Variants in DSCAM observed in about 807,000 individuals in gnomAD.
The protein encoded by DSCAM is DS cell adhesion molecule.
In DSCAM, 47 loss-of-function variants were observed where a neutral mutation model predicts 217.7. That is an observed-to-expected ratio of 0.22 (90% confidence interval 0.17 to 0.28). The LOEUF (loss-of-function observed/expected upper bound fraction) is 0.28. Among genes scored for constraint, DSCAM ranks in the 10% least tolerant of loss-of-function variants. DSCAM has a pLI of 1.00. For synonymous variants in DSCAM, 1,056 were observed against 1,015.3 expected (o/e 1.04, Z -0.76); for missense variants, 2,080 against 2,618.3 (o/e 0.79, Z 4.49).
intron 32 of DSCAM, among the ~76,000 whole-genome samples, chr21:40,021,077 T>G (rs889310198): frequency 3.5e-5 from 5 of 142,468 alleles, no homozygotes; most frequent in Non-Finnish European, 4.6e-5. Flanking sequence ...TGAGGGAGGA[T>G]GGATGAGAGA....
intron 3 of DSCAM, among the ~76,000 whole-genome samples, chr21:40,673,335 G>T (rs2090298872): frequency 6.6e-6 from 1 of 152,116 alleles, no homozygotes; most frequent in Non-Finnish European, 1.5e-5. Flanking sequence ...ATGAAACCCA[G>T]TGTATCTACA....
At chr21:40,123,857 AAC>A (rs1288661757) in intron 20 of DSCAM, among the ~76,000 whole-genome samples, 30 of 152,198 alleles carry the variant, frequency 2.0e-4, no homozygotes, top group Admixed American at 1.1e-3. Flanking sequence ...TGATGAGTCC[AAC>A]AGTAAAATCA....
intron 20 of DSCAM, among the ~76,000 whole-genome samples, chr21:40,121,491 C>T (rs1313197395): frequency 6.6e-6 from 1 of 151,980 alleles, no homozygotes; most frequent in African/African-American, 2.4e-5. Flanking sequence ...AATTAAGATG[C>T]TCTGGGGTTC....
chr21:40,116,493 C>T (rs748291207), intron 20 of DSCAM, among the ~76,000 whole-genome samples: 19 of 152,122 alleles, frequency 1.2e-4, no homozygotes, highest in East Asian at 5.8e-4. Flanking sequence ...TTTTTCCAGC[C>T]GTATGATTCC....
intron 1 of DSCAM, among the ~76,000 whole-genome samples, chr21:40,831,879 G>A (rs188076282): frequency 2.0e-5 from 3 of 152,232 alleles, no homozygotes; most frequent in Non-Finnish European, 2.9e-5. Context: ...TTTAAAAACC[G>A]ATCTTTCACT....
chr21:40,397,829 T>C (rs1470465178), intron 3 of DSCAM, among the ~76,000 whole-genome samples: 1 of 151,942 alleles, frequency 6.6e-6, no homozygotes, highest in East Asian at 1.9e-4. Context: ...CCTACTATCA[T>C]CACTACTACC....
rs1378648726 is a variant in DSCAM at position 40,376,643 on chromosome 21, G to T, written c.509-7398C>A. Among the ~76,000 whole-genome samples the T allele has an allele frequency of 2.2e-5, 3 of 135,166 alleles. 1 individual carries two copies. The highest frequency in any genetic ancestry group is 7.4e-5 in the Admixed American group (1 of 13,572). 88.7% of individuals were successfully genotyped at this position (135,166 alleles called of 152,430 possible). On this transcript the variant is annotated intron_variant, in intron 3 of 32. Coordinates refer to ENST00000400454, the MANE Select transcript of DSCAM (RefSeq NM_001389.5). ...TATCGATATCTATATATCTTATATA[G>T]ATATCGATATCTATATATCTTATAT...
intron 3 of DSCAM, among the ~76,000 whole-genome samples, chr21:40,664,176 C>T (rs931817290): frequency 1.3e-5 from 2 of 152,134 alleles, no homozygotes; most frequent in South Asian, 2.1e-4. Context: ...ATTATTCTAA[C>T]GGCTGAGAAA....
At chr21:40,443,088 C>T (rs1389230398) in intron 3 of DSCAM, among the ~76,000 whole-genome samples, 1 of 152,158 alleles carries the variant, frequency 6.6e-6, no homozygotes, top group Non-Finnish European at 1.5e-5. Flanking sequence ...GCTCTCACAC[C>T]TGTGGATCAT....
chr21:40,175,087 T>C (rs1197157842), intron 15 of DSCAM, among the ~76,000 whole-genome samples: 1 of 152,210 alleles, frequency 6.6e-6, no homozygotes, highest in East Asian at 1.9e-4. Context: ...ACTGCATGAC[T>C]TATACACCAC....
intron 3 of DSCAM, among the ~76,000 whole-genome samples, chr21:40,641,090 A>G (rs1301375948): frequency 6.6e-6 from 1 of 152,226 alleles, no homozygotes; most frequent in African/African-American, 2.4e-5. Flanking sequence ...CTAGTAATAC[A>G]TAGGAGAACG....
intron 1 of DSCAM, among the ~76,000 whole-genome samples, chr21:40,758,885 T>C (rs912277233): frequency 9.2e-5 from 14 of 152,284 alleles, no homozygotes; most frequent in Admixed American, 3.3e-4. Context: ...AGATGATACA[T>C]AGTAGCATCT....
intron 3 of DSCAM, among the ~76,000 whole-genome samples, chr21:40,645,400 C>T (rs2089933799): frequency 6.6e-6 from 1 of 151,910 alleles, no homozygotes. Flanking sequence ...GATGATGATA[C>T]ATAAAGATGA....
chr21:40,722,008 G>C (rs1166655433), intron 1 of DSCAM, among the ~76,000 whole-genome samples: 1 of 151,926 alleles, frequency 6.6e-6, no homozygotes, highest in Non-Finnish European at 1.5e-5. Context: ...AGAAGACAAG[G>C]GGAGAGAAAT....
chr21:40,274,456 G>A (rs2073660395), intron 11 of DSCAM, among the ~76,000 whole-genome samples: 1 of 151,918 alleles, frequency 6.6e-6, no homozygotes, highest in African/African-American at 2.4e-5. Flanking sequence ...TCCTTCATAG[G>A]GTCTTATATA....
At chr21:40,615,305 GAA>G (rs1801636684) in intron 3 of DSCAM, 1 of 138,104 alleles carries the variant, frequency 7.2e-6, no homozygotes. Flanking sequence ...AAAAAGAAAA[GAA>G]AAGAAAATTG....
intron 3 of DSCAM, among the ~76,000 whole-genome samples, chr21:40,691,414 C>A (rs1457751671): frequency 6.6e-6 from 1 of 152,206 alleles, no homozygotes; most frequent in Non-Finnish European, 1.5e-5. Flanking sequence ...ACTCCCTGAA[C>A]CTATACTCCC....
At chr21:40,636,498 TCTC>T (rs936780756) in intron 3 of DSCAM, among the ~76,000 whole-genome samples, 7 of 152,066 alleles carry the variant, frequency 4.6e-5, no homozygotes, top group African/African-American at 1.7e-4. Flanking sequence ...CCTTTCCTCA[TCTC>T]CTCTCTTTCC....
chr21:40,846,571 C>G, intron 1 of DSCAM, 48 bp downstream of exon 1: 1 of 294,398 alleles, frequency 3.4e-6, no homozygotes, highest in East Asian at 1.6e-4. Context: ...CCCCGCCCCC[C>G]CGGTCAATGA....
Sources: gnomAD v4.1 joint callset for allele counts (sites outside exome capture counted in the v4.1 genomes callset) on GRCh38, gnomAD v4.1.1 for gene constraint, MANE v1.5 for transcripts, NCBI Gene and HGNC (gene_info 2026-07-23, HGNC 2026-07-21) for gene names.